The following KATNIP variants were observed in gnomAD, a reference collection of about 807,000 sequenced individuals.
KATNIP encodes the protein katanin-interacting protein.
KATNIP carries 126 observed loss-of-function variants against 174.0 expected under a neutral mutation model. That is an observed-to-expected ratio of 0.72 (90% CI 0.63 to 0.84). The LOEUF (loss-of-function observed/expected upper bound fraction) is 0.84. KATNIP is among the 40% of genes least tolerant of loss of function. KATNIP has a pLI of 0.00. For missense variants in KATNIP, 1,958 were observed against 2,109.7 expected, an observed-to-expected ratio of 0.93 and a Z score of 1.41; for synonymous variants, 810 against 835.7, an observed-to-expected ratio of 0.97 and a Z score of 0.53.
chr16:27,721,845 CACTGCAT>C, intron 14 of KATNIP, 150 bp downstream of exon 14: 1 of 861,408 alleles, frequency 1.2e-6, no homozygotes, highest in Non-Finnish European at 1.8e-6. Context: ...GGTAGGTTCA[CACTGCAT>C]TCTCATAGCC....
At chr16:27,770,817 T>C (rs886498361) in intron 21 of KATNIP, among the ~76,000 whole-genome samples, 2 of 152,228 alleles carry the variant, frequency 1.3e-5, no homozygotes, top group Non-Finnish European at 2.9e-5. Flanking sequence ...GAACTGAGGC[T>C]CTGGCTGGTG....
chr16:27,653,982 T>C (rs2077191932), intron 6 of KATNIP, among the ~76,000 whole-genome samples: 2 of 152,020 alleles, frequency 1.3e-5, no homozygotes, highest in South Asian at 2.1e-4. Context: ...CATTTACTTA[T>C]TTATTTATTT....
At chr16:27,681,792 G>A (rs753725406) in intron 8 of KATNIP, among the ~76,000 whole-genome samples, 26 of 152,208 alleles carry the variant, frequency 1.7e-4, no homozygotes, top group Non-Finnish European at 3.8e-4. Context: ...CTATGTCAGA[G>A]GTGAAGTCCA....
chr16:27,634,490 G>T (rs575880295), intron 5 of KATNIP, among the ~76,000 whole-genome samples: 1 of 152,212 alleles, frequency 6.6e-6, no homozygotes, highest in Non-Finnish European at 1.5e-5. Context: ...CATTGGGAAG[G>T]TGGGGTATCA....
chr16:27,716,202 A>G (rs986981818), intron 13 of KATNIP, among the ~76,000 whole-genome samples: 5 of 152,192 alleles, frequency 3.3e-5, no homozygotes, highest in African/African-American at 1.2e-4. Context: ...CAGACACAGA[A>G]GGCTATATGT....
chr16:27,602,112 T>C (rs1357964674), intron 2 of KATNIP, among the ~76,000 whole-genome samples: 1 of 152,132 alleles, frequency 6.6e-6, no homozygotes, highest in Non-Finnish European at 1.5e-5. Flanking sequence ...TCTTCTCAAT[T>C]ATTAGAGGCT....
At position 27,729,824 on chromosome 16, in the gene KATNIP, G is replaced by C. The variant is rs1368915913; in HGVS notation, c.1743+8129G>C. 2.0e-5 allele frequency among the ~76,000 whole-genome samples: 3 copies of C among 152,268 alleles called. No homozygotes were observed. The East Asian group carries it at 5.8e-4, about 29-fold the overall frequency. On this transcript the variant is annotated intron_variant, in intron 14 of 27. Coordinates refer to ENST00000261588, the MANE Select transcript of KATNIP (RefSeq NM_015202.5). Reference sequence around the variant, plus strand: ...TTGCCCCTCACTGTCAGGCATCTCTGAGTCCTACCAGTTCTATTTCCAAAA... The same window carrying C: ...TTGCCCCTCACTGTCAGGCATCTCTCAGTCCTACCAGTTCTATTTCCAAAA...
intron 6 of KATNIP, among the ~76,000 whole-genome samples, chr16:27,674,570 T>G (rs2142720727): frequency 6.6e-6 from 1 of 152,362 alleles, no homozygotes; most frequent in African/African-American, 2.4e-5. Flanking sequence ...CTCTATTTGA[T>G]GTTGATCTTC....
Position 27,565,444 on chromosome 16 carries a change from C to T in KATNIP, c.8-8457C>T, listed in dbSNP as rs1010399302. 1.2e-4 allele frequency among the ~76,000 whole-genome samples: 17 copies of T among 144,524 alleles called. No individual in the cohort carries two copies. The East Asian group carries it at 2.0e-3, about 17-fold the overall frequency. 94.8% of individuals were successfully genotyped at this position (144,524 alleles called of 152,430 possible). A position where few individuals can be genotyped will look rare whatever the true frequency, so the allele number is the denominator to read the frequency against. ...TTGCGCCACTGCACTCCAGCCTGGG[C>T]GACAGAGTGAGACTCTGTCTCAAAA... is the stretch of plus-strand genomic sequence containing the variant. On this transcript the variant is annotated intron_variant, in intron 1 of 27. Transcript: ENST00000261588.
chr16:27,772,000 G>A (rs2082324874), intron 22 of KATNIP, among the ~76,000 whole-genome samples: 2 of 152,180 alleles, frequency 1.3e-5, no homozygotes, highest in Admixed American at 6.5e-5. Context: ...TGGCAATCCA[G>A]GCACAATAGC....
intron 6 of KATNIP, among the ~76,000 whole-genome samples, chr16:27,653,856 T>C (rs1454265205): frequency 2.0e-5 from 3 of 151,832 alleles, no homozygotes; most frequent in African/African-American, 7.3e-5. Flanking sequence ...AGAGATAGGG[T>C]CTCATATCCC....
At chr16:27,746,129 C>A (rs1221354202) in intron 15 of KATNIP, among the ~76,000 whole-genome samples, 2 of 152,038 alleles carry the variant, frequency 1.3e-5, no homozygotes, top group African/African-American at 2.4e-5. Context: ...CGTGCCCGGC[C>A]ATCTACTCCT....
chr16:27,626,964 C>CAA (rs1195795602), intron 3 of KATNIP, among the ~76,000 whole-genome samples: 12 of 92,620 alleles, frequency 1.3e-4, no homozygotes, highest in Admixed American at 1.2e-4. Flanking sequence ...GACTCCGTCT[C>CAA]AAAAAAAAAA....
At chr16:27,588,878 CTTT>C (rs11346883) in intron 2 of KATNIP, among the ~76,000 whole-genome samples, 7 of 78,098 alleles carry the variant, frequency 9.0e-5, no homozygotes, top group Middle Eastern at 7.7e-3. Context: ...CAACTCTATT[CTTT>C]TTTTTTTTTT....
intron 15 of KATNIP, among the ~76,000 whole-genome samples, chr16:27,749,312 GGACA>G (rs1474570894): frequency 1.3e-5 from 2 of 152,234 alleles, no homozygotes; most frequent in Non-Finnish European, 2.9e-5. Flanking sequence ...ATGGCCCACA[GGACA>G]GTCAGAAGCT....
At chr16:27,764,053 T>A (rs2082046561) in intron 19 of KATNIP, among the ~76,000 whole-genome samples, 1 of 152,356 alleles carries the variant, frequency 6.6e-6, no homozygotes, top group South Asian at 2.1e-4. Flanking sequence ...AAGCCAGTCA[T>A]GCTGGCGAAG....
chr16:27,768,686 G>A (rs1265618647), intron 20 of KATNIP, among the ~76,000 whole-genome samples: 1 of 152,176 alleles, frequency 6.6e-6, no homozygotes. Flanking sequence ...GGAGGACAGG[G>A]ACCAAGTTCT....
At position 27,699,549 on chromosome 16, in the gene KATNIP, C is replaced by G. The variant is rs1253871238; in HGVS notation, c.1129C>G (p.Pro377Ala). ...ATCCTTCCAGGATGCAGAAGGACCA[C>G]CAGCAAAACCATGGACCAGTCTGCT... ...ASPLQDAEGP[P>A]AKPWTSLLEE... is the part of the protein sequence containing the mutation. The change falls in exon 10 of 28, where the codon CCA (proline) becomes GCA (alanine). Residue 377 changes from proline to alanine, a missense_variant. Around this residue, in one of 3 missense-constraint regions of KATNIP, gnomAD observed 1,557 missense variants for 1,617.8 expected, o/e 0.96. Coordinates refer to ENST00000261588, the MANE Select transcript of KATNIP (RefSeq NM_015202.5). 2.5e-6 allele frequency: 4 copies of G among 1,614,044 alleles called. No individual in the cohort carries two copies. Among genetic ancestry groups the G allele is most frequent in the Non-Finnish European group, 1.7e-6 (2 of 1,180,030 alleles).
In KATNIP at chr16:27,750,239, A is replaced by G; in HGVS notation, c.3279A>G (p.Thr1093=). Residue 1093 remains threonine (T), a synonymous_variant, in exon 16 of 28, where the codon ACA becomes ACG. Coordinates refer to ENST00000261588, the MANE Select transcript of KATNIP (RefSeq NM_015202.5). ...CCTTCCGAGGCGTGAAGGACATCACAATGCTGTTAGACACCCAGTGCATCT... is the reference window on the plus strand; with the variant it reads ...CCTTCCGAGGCGTGAAGGACATCACGATGCTGTTAGACACCCAGTGCATCT... The part of the protein sequence containing the change: ...IHSFRGVKDI[T]MLLDTQCIFE... 1 of 1,614,034 alleles carries G rather than the reference A, an allele frequency of 6.2e-7. No individual in the cohort carries two copies. The highest frequency in any genetic ancestry group is 1.7e-5 in the Admixed American group (1 of 60,006).
Sources: gnomAD v4.1 joint callset for allele counts (sites outside exome capture counted in the v4.1 genomes callset) on GRCh38, gnomAD v4.1.1 for gene constraint, gnomAD v4.1.1 regional missense constraint, MANE v1.5 for transcripts, NCBI Gene and HGNC (gene_info 2026-07-23, HGNC 2026-07-21) for gene names.